SNPH: variants seen among roughly 807,000 people sequenced by gnomAD.
The protein encoded by SNPH is syntaphilin.
A neutral mutation model predicts 36.8 loss-of-function variants in SNPH; 10 were observed. The ratio of observed to expected loss-of-function variants is 0.27; its 90% CI spans 0.17 to 0.46. SNPH has a LOEUF of 0.46. Among genes scored for constraint, SNPH ranks in the 20% least tolerant of loss-of-function variants. The pLI, the probability that SNPH is intolerant of heterozygous loss-of-function variation, is 1.00. For missense variants in SNPH, 622 were observed against 744.0 expected (o/e 0.84, Z 1.91); for synonymous variants, 281 against 312.2 (o/e 0.90, Z 1.05).
chr20:1,296,813 A>G (rs566168400), intron 4 of SNPH, among the ~76,000 whole-genome samples: 1 of 152,094 alleles, frequency 6.6e-6, no homozygotes, highest in Non-Finnish European at 1.5e-5. Flanking sequence ...GTCTCAGTCT[A>G]TGCAGGGATC....
chr20:1,301,454 G>A (rs2088508736), intron 6 of SNPH, among the ~76,000 whole-genome samples: 1 of 152,044 alleles, frequency 6.6e-6, no homozygotes, highest in South Asian at 2.1e-4. Context: ...GGTGCTGTGT[G>A]GGGCTGGAGC....
intron 3 of SNPH, among the ~76,000 whole-genome samples, chr20:1,295,429 A>G (rs1027618863): frequency 6.6e-6 from 1 of 152,172 alleles, no homozygotes; most frequent in African/African-American, 2.4e-5. Context: ...TCTAGGCACG[A>G]ACGCTTCCTC....
intron 6 of SNPH, among the ~76,000 whole-genome samples, chr20:1,303,417 C>T (rs2088527444): frequency 6.6e-6 from 1 of 152,254 alleles, no homozygotes; most frequent in African/African-American, 2.4e-5. Context: ...CCAGTTCCTT[C>T]TTTCAAACTC....
chr20:1,287,064 A>G (rs2088292090), intron 2 of SNPH, among the ~76,000 whole-genome samples: 1 of 152,156 alleles, frequency 6.6e-6, no homozygotes, highest in Non-Finnish European at 1.5e-5. Context: ...AACCCCATGC[A>G]AAAGTGTTCC....
chr20:1,298,749 T>C (rs1300613662), intron 5 of SNPH, among the ~76,000 whole-genome samples: 1 of 151,724 alleles, frequency 6.6e-6, no homozygotes, highest in Non-Finnish European at 1.5e-5. Context: ...ATAGCCAGGC[T>C]TTCCAAGGCA....
chr20:1,277,740 CGT>C (rs1199528678), intron 2 of SNPH, among the ~76,000 whole-genome samples: 13 of 91,080 alleles, frequency 1.4e-4, no homozygotes, highest in African/African-American at 4.4e-5. Flanking sequence ...CTGTGTGTGT[CGT>C]GTGTCTGTGT....
At chr20:1,281,010 G>A (rs932090344) in intron 2 of SNPH, among the ~76,000 whole-genome samples, 1 of 152,158 alleles carries the variant, frequency 6.6e-6, no homozygotes, top group Non-Finnish European at 1.5e-5. Flanking sequence ...GGAGTGGGGG[G>A]TGTGTTTGTA....
Position 1,306,159 on chromosome 20 carries a change from G to C in SNPH, c.*105G>C. The stretch of plus-strand genomic sequence containing the variant: ...GCATCATCTTATTTATTTAGTTTTG[G>C]GTGTGGAACTGTTTCTTTTTTTCAA... On this transcript the variant is annotated 3_prime_UTR_variant, in exon 7 of 7. Transcript: ENST00000381867. 1 of 994,746 alleles carries C rather than the reference G, an allele frequency of 1.0e-6. No homozygotes were observed. The highest frequency in any genetic ancestry group is 3.0e-5 in the East Asian group (1 of 33,112). 61.6% of individuals were successfully genotyped at this position (994,746 alleles called of 1,614,324 possible).
Position 1,266,583 on chromosome 20 carries a change from G to T in SNPH, c.-599-71G>T. The stretch of plus-strand genomic sequence containing the variant: ...AGCGGCCCAGCTGTCAGCGGCCGGG[G>T]GCTCAGCTGCCTGGGTGTTCCCCGC... On this transcript the variant is annotated intron_variant, in intron 1 of 6. Transcript: ENST00000381867. The surrounding 1 kb of genome is among the most constrained non-coding windows in gnomAD (Gnocchi z 6.0). The T allele has an allele frequency of 7.1e-7, 1 of 1,407,428 alleles. No individual in the cohort carries two copies. The highest frequency in any genetic ancestry group is 9.2e-7 in the Non-Finnish European group (1 of 1,087,838). 87.2% of individuals were successfully genotyped at this position (1,407,428 alleles called of 1,614,324 possible).
intron 6 of SNPH, among the ~76,000 whole-genome samples, chr20:1,302,725 G>C (rs931978117): frequency 6.6e-6 from 1 of 152,240 alleles, no homozygotes; most frequent in Non-Finnish European, 1.5e-5. Flanking sequence ...ATGGGATCAC[G>C]CTGTATGCAT....
chr20:1,297,288 G>C (rs759873778), intron 5 of SNPH, 36 bp downstream of exon 5: 1 of 1,594,672 alleles, frequency 6.3e-7, no homozygotes, highest in Admixed American at 1.7e-5. Context: ...TGGCCCTGCT[G>C]GCTGGGAACA....
Position 1,277,771 on chromosome 20 carries a change from GTC to G in SNPH, c.-493+11015_-493+11016del, listed in dbSNP as rs1243587106. 4.1e-5 allele frequency among the ~76,000 whole-genome samples: 6 copies of G among 145,210 alleles called. No homozygotes were observed. The East Asian group carries it at 1.1e-3, about 26-fold the overall frequency. ...TCTGTGTGTGTGTGTGTCAGTGTCT[GTC>G]TCTGTGTGTGCCTGTGTATGTGTGC... On this transcript the variant is annotated intron_variant, in intron 2 of 6. Coordinates refer to ENST00000381867, the MANE Select transcript of SNPH (RefSeq NM_001318234.2).
At chr20:1,271,039 G>A (rs1348597736) in intron 2 of SNPH, among the ~76,000 whole-genome samples, 1 of 152,224 alleles carries the variant, frequency 6.6e-6, no homozygotes, top group Admixed American at 6.5e-5. Flanking sequence ...ACCCCAGGCT[G>A]CTTTGCATTA....
intron 2 of SNPH, among the ~76,000 whole-genome samples, chr20:1,281,180 G>GA (rs2088214441): frequency 6.6e-6 from 1 of 152,064 alleles, no homozygotes; most frequent in Non-Finnish European, 1.5e-5. Flanking sequence ...CTCTTCTGGG[G>GA]ACCCTCAAGA....
In SNPH at chr20:1,306,110, G is replaced by A. The variant is rs548250915; in HGVS notation, c.*56G>A. The A allele has an allele frequency of 2.5e-5, 33 of 1,303,560 alleles. No homozygotes were observed. The highest frequency in any genetic ancestry group is 1.2e-4 in the South Asian group (7 of 59,382). The allele number at this position is 1,303,560 out of a possible 1,614,324, so 80.7% of individuals were successfully genotyped here. ...CCTGACCACTGATTGTAGGGATGCC[G>A]TTCCCCCCTCCCTTCTCCCATGGGC... On this transcript the variant is annotated 3_prime_UTR_variant, in exon 7 of 7. Transcript: ENST00000381867.
Position 1,300,619 on chromosome 20 carries a change from G to A in SNPH, c.348G>A (p.Pro116=), listed in dbSNP as rs149472310. 240 of 1,613,730 alleles carry A rather than the reference G, an allele frequency of 1.5e-4. No individual in the cohort carries two copies. The highest frequency in any genetic ancestry group is 1.9e-4 in the Non-Finnish European group (222 of 1,179,994). ...SDNHGIKPPT[P]EQYLTPLQQK... is the part of the protein sequence containing the mutation. ...ACCATGGCATCAAGCCCCCGACCCC[G>A]GAGCAGTACCTGACCCCCCTGCAGC... Residue 116 remains proline (P), a synonymous_variant, in exon 6 of 7, where the codon CCG becomes CCA. Coordinates refer to ENST00000381867, the MANE Select transcript of SNPH (RefSeq NM_001318234.2).
At position 1,306,274 on chromosome 20, in the gene SNPH, G is replaced by T; in HGVS notation, c.*220G>T. 2.3e-6 allele frequency: 1 copy of T among 439,990 alleles called. No homozygotes were observed. 27.3% of individuals were successfully genotyped at this position (439,990 alleles called of 1,614,324 possible). On this transcript the variant is annotated 3_prime_UTR_variant, in exon 7 of 7. Transcript: ENST00000381867. ...GAGCAGGGAAGGGGGACCCAAGGCA[G>T]GAGGTACACCAGCTGGACAAATTGC... is the stretch of plus-strand genomic sequence containing the variant.
chr20:1,278,683 C>CT lies in SNPH; in HGVS notation c.-493+11931dup, dbSNP rs1002024972. Among the ~76,000 whole-genome samples the CT allele has an allele frequency of 3.3e-5, 5 of 151,942 alleles. No individual in the cohort carries two copies. In the South Asian group the frequency reaches 6.2e-4, roughly 19 times the overall value. On this transcript the variant is annotated intron_variant, in intron 2 of 6. Transcript: ENST00000381867. The stretch of plus-strand genomic sequence containing the variant: ...TGTTGTGTATACCAATAGTTTATTC[C>CT]TTTTTTTTCTTTTTTGTTGAGACAG...
Position 1,276,529 on chromosome 20 carries a change from CAT to C in SNPH, c.-493+9771_-493+9772del, listed in dbSNP as rs147012925. 0.06 allele frequency among the ~76,000 whole-genome samples: 9,150 copies of C among 152,266 alleles called. 380 individuals carry two copies. Among genetic ancestry groups the C allele is most frequent in the South Asian group, 0.1 (488 of 4,820 alleles). ...GTACCTCAATAGTAAAAATGGGCAT[CAT>C]AATCATAACGTAGGCCTCCTGACAG... On this transcript the variant is annotated intron_variant, in intron 2 of 6. Coordinates refer to ENST00000381867, the MANE Select transcript of SNPH (RefSeq NM_001318234.2). The surrounding 1 kb of genome is among the most constrained non-coding windows in gnomAD (Gnocchi z 4.6).
Sources: gnomAD v4.1 joint callset for allele counts (sites outside exome capture counted in the v4.1 genomes callset) on GRCh38, gnomAD v4.1.1 for gene constraint, Gnocchi (gnomAD v3.1) non-coding constraint, MANE v1.5 for transcripts, NCBI Gene and HGNC (gene_info 2026-07-23, HGNC 2026-07-21) for gene names.